The following NRXN3 variants were observed in gnomAD, a reference collection of about 807,000 sequenced individuals.
The protein encoded by NRXN3 is neurexin 3.
NRXN3 carries 32 observed loss-of-function variants against 137.6 expected under a neutral mutation model. The ratio of observed to expected loss-of-function variants is 0.23; its 90% CI spans 0.18 to 0.31. NRXN3 has a LOEUF of 0.31. Ranked by LOEUF, NRXN3 falls within the 10% of genes least tolerant of loss-of-function variation. The probability of loss-of-function intolerance (pLI) is 1.00; values close to 1 mark genes in which losing one functional copy is unlikely to be tolerated. For synonymous variants in NRXN3, 798 were observed against 784.5 expected (o/e 1.02, Z -0.29); for missense variants, 1,574 against 2,062.5 (o/e 0.76, Z 4.59).
chr14:78,728,210 C>T (rs1335664046), intron 8 of NRXN3, among the ~76,000 whole-genome samples: 1 of 152,202 alleles, frequency 6.6e-6, no homozygotes, highest in African/African-American at 2.4e-5. Context: ...CAGAAGATTT[C>T]TTCACAAGCT....
chr14:78,283,902 A>G (rs1028270783), intron 3 of NRXN3, among the ~76,000 whole-genome samples: 5 of 152,176 alleles, frequency 3.3e-5, no homozygotes, highest in African/African-American at 1.2e-4. Context: ...GCTCCTTATT[A>G]AACAAAAGTT....
intron 4 of NRXN3, among the ~76,000 whole-genome samples, chr14:78,617,482 A>C (rs1425871637): frequency 6.6e-6 from 1 of 152,186 alleles, no homozygotes; most frequent in Non-Finnish European, 1.5e-5. Flanking sequence ...GAACATTTAG[A>C]ATCCCTGTGG....
intron 4 of NRXN3, among the ~76,000 whole-genome samples, chr14:78,566,720 A>G (rs1026540719): frequency 2.0e-5 from 3 of 152,098 alleles, no homozygotes; most frequent in Admixed American, 1.3e-4. Context: ...GCTGCGCACC[A>G]GTGGCTCCAG....
chr14:78,462,166 C>G (rs1431350748), intron 4 of NRXN3, among the ~76,000 whole-genome samples: 1 of 152,204 alleles, frequency 6.6e-6, no homozygotes, highest in East Asian at 1.9e-4. Flanking sequence ...GCTTCCTGGT[C>G]TTCTGCTGAG....
intron 4 of NRXN3, among the ~76,000 whole-genome samples, chr14:78,580,499 T>C (rs2096982639): frequency 6.6e-6 from 1 of 152,206 alleles, no homozygotes; most frequent in African/African-American, 2.4e-5. Context: ...CTCCTTTTCG[T>C]GGAGGAACTA....
chr14:78,276,557 C>T (rs926829360), intron 2 of NRXN3, among the ~76,000 whole-genome samples: 1 of 152,096 alleles, frequency 6.6e-6, no homozygotes, highest in African/African-American at 2.4e-5. Context: ...CTCATAACAC[C>T]CCCATGAGGG....
intron 10 of NRXN3, among the ~76,000 whole-genome samples, chr14:78,952,243 T>C (rs1399220938): frequency 1.3e-5 from 2 of 151,354 alleles, no homozygotes; most frequent in African/African-American, 2.4e-5. Flanking sequence ...GTTTTTTTTT[T>C]CCAGTGAATA....
chr14:78,666,470 T>G (rs1007873874), intron 6 of NRXN3, among the ~76,000 whole-genome samples: 1 of 152,192 alleles, frequency 6.6e-6, no homozygotes, highest in Non-Finnish European at 1.5e-5. Flanking sequence ...TGCAGTGTGC[T>G]AAATGTGAGA....
chr14:78,803,540 C>T (rs940635682), intron 8 of NRXN3, 80 bp from the exon 9 acceptor site: 20 of 1,330,398 alleles, frequency 1.5e-5, no homozygotes, highest in South Asian at 7.1e-5. Context: ...CCTCTCTACT[C>T]GCTTAGCCTG....
chr14:78,356,819 G>A (rs373828424), intron 4 of NRXN3, among the ~76,000 whole-genome samples: 3 of 152,078 alleles, frequency 2.0e-5, no homozygotes, highest in East Asian at 3.9e-4. Flanking sequence ...ATTTTTTTCT[G>A]GACTACTCAG....
chr14:79,059,004 A>G (rs1481181809), intron 15 of NRXN3, among the ~76,000 whole-genome samples: 1 of 152,152 alleles, frequency 6.6e-6, no homozygotes, highest in Non-Finnish European at 1.5e-5. Flanking sequence ...TTCAGGTAGT[A>G]TCTTCATAGC....
chr14:79,339,527 A>G (rs1238178512), intron 15 of NRXN3, among the ~76,000 whole-genome samples: 2 of 152,204 alleles, frequency 1.3e-5, no homozygotes, highest in East Asian at 1.9e-4. Context: ...TTACTATTCA[A>G]AGTATGCTCC....
At chr14:78,270,618 C>T (rs2072568641) in intron 2 of NRXN3, among the ~76,000 whole-genome samples, 1 of 152,182 alleles carries the variant, frequency 6.6e-6, no homozygotes, top group African/African-American at 2.4e-5. Context: ...CTCAACTTGT[C>T]ATTTTCAGTT....
intron 7 of NRXN3, 70 bp from the exon 8 acceptor site, chr14:78,714,686 C>T (rs1181716719): frequency 6.5e-7 from 1 of 1,550,342 alleles, no homozygotes; most frequent in Non-Finnish European, 8.8e-7. Context: ...GCTCAGCACT[C>T]ACCTGTTAGG....
chr14:78,869,833 A>C (rs1236382126), intron 10 of NRXN3, among the ~76,000 whole-genome samples: 2 of 152,186 alleles, frequency 1.3e-5, no homozygotes, highest in Non-Finnish European at 2.9e-5. Flanking sequence ...TAGGACCATC[A>C]TGATAAATAT....
intron 15 of NRXN3, among the ~76,000 whole-genome samples, chr14:79,285,532 G>A (rs538467554): frequency 7.2e-5 from 11 of 152,256 alleles, no homozygotes; most frequent in African/African-American, 2.4e-4. Flanking sequence ...AGACCAAGGT[G>A]TCAGCAGGTT....
Position 78,856,859 on chromosome 14 carries a change from G to A in NRXN3, c.2275+46515G>A, listed in dbSNP as rs142230195. On this transcript the variant is annotated intron_variant, in intron 10 of 20. Coordinates refer to ENST00000335750, the MANE Select transcript of NRXN3 (RefSeq NM_001330195.2). ...AGTGATTCTCCTGCCTTGGCCTCCC[G>A]AGTAGCTGGGATTACAGGCGTGTGT... Among the ~76,000 whole-genome samples the A allele has an allele frequency of 8.6e-3, 1,314 of 152,100 alleles. 7 individuals carry two copies. Among genetic ancestry groups the A allele is most frequent in the Non-Finnish European group, 0.013 (879 of 67,982 alleles).
At chr14:78,379,358 T>C (rs990226377) in intron 4 of NRXN3, among the ~76,000 whole-genome samples, 1 of 152,052 alleles carries the variant, frequency 6.6e-6, no homozygotes, top group African/African-American at 2.4e-5. Flanking sequence ...ACACACAATC[T>C]TTAAAAAAAT....
intron 4 of NRXN3, among the ~76,000 whole-genome samples, chr14:78,624,488 G>A (rs2097435276): frequency 6.6e-6 from 1 of 152,212 alleles, no homozygotes. Flanking sequence ...TGGCAAGAGG[G>A]GGGCGGTATG....
Sources: gnomAD v4.1 joint callset for allele counts (sites outside exome capture counted in the v4.1 genomes callset) on GRCh38, gnomAD v4.1.1 for gene constraint, MANE v1.5 for transcripts, NCBI Gene and HGNC (gene_info 2026-07-23, HGNC 2026-07-21) for gene names.